The following KIF6 variants were observed in gnomAD, a reference collection of about 807,000 sequenced individuals.
KIF6 encodes kinesin-like protein KIF6.
Under a neutral mutation model 112.7 loss-of-function variants are expected in KIF6, and 106 were observed. That is an observed-to-expected ratio of 0.94 (90% confidence interval 0.80 to 1.11). The LOEUF (loss-of-function observed/expected upper bound fraction) is 1.11. Ranked by LOEUF, KIF6 falls within the 50% of genes least tolerant of loss-of-function variation. KIF6 has a pLI of 0.00. For missense variants in KIF6, 929 were observed against 964.0 expected (o/e 0.96, Z 0.48); for synonymous variants, 339 against 339.9 (o/e 1.00, Z 0.03).
At chr6:39,523,563 T>C (rs1777516300) in intron 13 of KIF6, among the ~76,000 whole-genome samples, 1 of 149,182 alleles carries the variant, frequency 6.7e-6, no homozygotes, top group African/African-American at 2.5e-5. Context: ...CCTCTGTGTG[T>C]CCTACACCTC....
chr6:39,591,104 C>T (rs1041590905), intron 7 of KIF6, among the ~76,000 whole-genome samples: 12 of 152,120 alleles, frequency 7.9e-5, no homozygotes, highest in African/African-American at 2.9e-4. Flanking sequence ...TAGGCATGAG[C>T]GTGGGTCCTG....
intron 3 of KIF6, among the ~76,000 whole-genome samples, chr6:39,685,790 G>A: frequency 6.6e-6 from 1 of 152,208 alleles, no homozygotes; most frequent in East Asian, 1.9e-4. Context: ...GTAGTTGCCA[G>A]CAGACAGAAC....
At chr6:39,336,834 C>T (rs1176131919) in intron 22 of KIF6, among the ~76,000 whole-genome samples, 1 of 151,280 alleles carries the variant, frequency 6.6e-6, no homozygotes, top group Non-Finnish European at 1.5e-5. Context: ...TGGAGTCTCG[C>T]TCTGTCACCG....
intron 16 of KIF6, among the ~76,000 whole-genome samples, chr6:39,371,397 ACAG>A (rs1405150790): frequency 6.6e-6 from 1 of 152,116 alleles, no homozygotes; most frequent in Non-Finnish European, 1.5e-5. Context: ...CCAGTGGGGA[ACAG>A]CAGCAAGTAA....
At chr6:39,405,668 G>GT (rs1239741049) in intron 15 of KIF6, among the ~76,000 whole-genome samples, 1 of 152,148 alleles carries the variant, frequency 6.6e-6, no homozygotes, top group Non-Finnish European at 1.5e-5. Flanking sequence ...TGATGTCTTT[G>GT]TCTGGTTTGG....
intron 13 of KIF6, among the ~76,000 whole-genome samples, chr6:39,495,116 C>T (rs1302157447): frequency 6.6e-6 from 1 of 152,150 alleles, no homozygotes; most frequent in Non-Finnish European, 1.5e-5. Flanking sequence ...GTTGCATTCC[C>T]AAAGAGCCAC....
At chr6:39,588,364 C>T (rs6931536) in intron 7 of KIF6, among the ~76,000 whole-genome samples, 23,310 of 151,958 alleles carry the variant, frequency 0.15, 2,059 homozygotes, top group Admixed American at 0.26. Context: ...CAGGCGTGCA[C>T]CACCACACCC....
intron 13 of KIF6, among the ~76,000 whole-genome samples, chr6:39,489,944 A>G (rs1221444902): frequency 6.6e-6 from 1 of 152,208 alleles, no homozygotes; most frequent in Non-Finnish European, 1.5e-5. Context: ...TGTTCTTCTT[A>G]TCCTCTGGCT....
intron 3 of KIF6, among the ~76,000 whole-genome samples, chr6:39,641,230 T>G (rs774200991): frequency 9.9e-5 from 15 of 152,158 alleles, no homozygotes; most frequent in Non-Finnish European, 2.2e-4. Flanking sequence ...CTTAAACATT[T>G]TATTGATTCT....
At position 39,566,557 on chromosome 6, in the gene KIF6, T is replaced by C. The variant is rs1780289558; in HGVS notation, c.1181+11499A>G. 2.6e-5 allele frequency among the ~76,000 whole-genome samples: 4 copies of C among 152,248 alleles called. No homozygotes were observed. In the South Asian group the frequency reaches 6.2e-4, roughly 24 times the overall value. On this transcript the variant is annotated intron_variant, in intron 10 of 22. Transcript: ENST00000287152. ...ATAGTTTTTGTTTTGTTTAGCCTTT[T>C]AGATAAGCAGTCTTATATCAACTGT... is the stretch of plus-strand genomic sequence containing the variant.
chr6:39,470,218 G>T lies in KIF6; in HGVS notation c.1646-39057C>A, dbSNP rs143331049. Among the ~76,000 whole-genome samples the T allele has an allele frequency of 2.6e-5, 4 of 152,270 alleles. No homozygotes were observed. The East Asian group carries it at 7.7e-4, about 29-fold the overall frequency. On this transcript the variant is annotated intron_variant, in intron 13 of 22. Coordinates refer to ENST00000287152, the MANE Select transcript of KIF6 (RefSeq NM_145027.6). Reference sequence around the variant, plus strand: ...ACAGTCAGGAGCAGGTAAAGAGGTAGAGTAGGGAACTTTGGGATTTAAAGT... The same window carrying T: ...ACAGTCAGGAGCAGGTAAAGAGGTATAGTAGGGAACTTTGGGATTTAAAGT...
Position 39,654,793 on chromosome 6 carries a change from G to A in KIF6, c.252-15036C>T, listed in dbSNP as rs546893098. On this transcript the variant is annotated intron_variant, in intron 3 of 22. Coordinates refer to ENST00000287152, the MANE Select transcript of KIF6 (RefSeq NM_145027.6). ...TTGGCTTAATATTCTACGTATTCCT[G>A]CGCAATTTGTTCACTCAACAATGTC... 8.5e-5 allele frequency among the ~76,000 whole-genome samples: 13 copies of A among 152,178 alleles called. No homozygotes were observed. The South Asian group carries it at 1.5e-3, about 17-fold the overall frequency.
intron 13 of KIF6, among the ~76,000 whole-genome samples, chr6:39,451,969 T>A (rs191065882): frequency 6.6e-6 from 1 of 152,172 alleles, no homozygotes; most frequent in Non-Finnish European, 1.5e-5. Context: ...GTGAATCAGA[T>A]ACTACAAAGA....
intron 3 of KIF6, among the ~76,000 whole-genome samples, chr6:39,644,712 G>A (rs1029660106): frequency 5.9e-5 from 9 of 152,034 alleles, no homozygotes; most frequent in Non-Finnish European, 1.2e-4. Flanking sequence ...TCTTTTTGGC[G>A]GTAATGAAAA....
chr6:39,568,582 CT>C (rs1780452947), intron 10 of KIF6, among the ~76,000 whole-genome samples: 1 of 151,170 alleles, frequency 6.6e-6, no homozygotes, highest in African/African-American at 2.4e-5. Context: ...TGGAGTCTTG[CT>C]CTTGTCACCC....
intron 18 of KIF6, among the ~76,000 whole-genome samples, chr6:39,359,085 G>A (rs947017748): frequency 1.3e-5 from 2 of 152,056 alleles, no homozygotes; most frequent in East Asian, 1.9e-4. Context: ...GTCCTGCCGC[G>A]TGGCCACTTG....
intron 3 of KIF6, among the ~76,000 whole-genome samples, chr6:39,709,949 A>G (rs1213410577): frequency 6.6e-6 from 1 of 152,222 alleles, no homozygotes; most frequent in East Asian, 1.9e-4. Flanking sequence ...CATAAATGAC[A>G]CTTTATTTTA....
chr6:39,650,105 C>G (rs1028672272), intron 3 of KIF6, among the ~76,000 whole-genome samples: 3 of 152,304 alleles, frequency 2.0e-5, no homozygotes, highest in African/African-American at 7.2e-5. Flanking sequence ...GCTTTGTTCA[C>G]AGTCTTGTCC....
At chr6:39,370,521 T>C (rs1012111696) in intron 16 of KIF6, among the ~76,000 whole-genome samples, 2 of 152,210 alleles carry the variant, frequency 1.3e-5, no homozygotes, top group African/African-American at 4.8e-5. Context: ...TAATTTATCA[T>C]ATATTGGAGT....
Sources: gnomAD v4.1 joint callset for allele counts (sites outside exome capture counted in the v4.1 genomes callset) on GRCh38, gnomAD v4.1.1 for gene constraint, MANE v1.5 for transcripts, NCBI Gene and HGNC (gene_info 2026-07-23, HGNC 2026-07-21) for gene names.